CNOT1: variants seen among roughly 807,000 people sequenced by gnomAD.
CNOT1 encodes CCR4-associated factor 1.
In CNOT1, 15 loss-of-function variants were observed where a neutral mutation model predicts 273.8. The ratio of observed to expected loss-of-function variants is 0.05; its 90% CI spans 0.04 to 0.08. The LOEUF (loss-of-function observed/expected upper bound fraction) is 0.08. CNOT1 is among the 10% of genes least tolerant of loss of function. CNOT1 has a pLI of 1.00. For synonymous variants in CNOT1, 1,022 were observed against 1,005.5 expected (o/e 1.02, Z -0.31); for missense variants, 1,644 against 2,912.2 (o/e 0.56, Z 10.02).
chr16:58,625,091 A>T lies in CNOT1; in HGVS notation c.-175+4637T>A, dbSNP rs576182670. ...AGTGAAACCTCACCTCTACCAAAAAAATACAAAAATTAGGCCAGGCGCAGT... is the reference window on the plus strand; with the variant it reads ...AGTGAAACCTCACCTCTACCAAAAATATACAAAAATTAGGCCAGGCGCAGT... On this transcript the variant is annotated intron_variant, in intron 1 of 48. Coordinates refer to ENST00000317147, the MANE Select transcript of CNOT1 (RefSeq NM_016284.5). Among the ~76,000 whole-genome samples the T allele has an allele frequency of 1.3e-5, 2 of 152,062 alleles. 1 individual carries two copies. Among genetic ancestry groups the T allele is most frequent in the Admixed American group, 1.3e-4 (2 of 15,240 alleles).
chr16:58,535,756 C>T lies in CNOT1; in HGVS notation c.5646+1233G>A, dbSNP rs529856243. Among the ~76,000 whole-genome samples the T allele has an allele frequency of 4.6e-5, 7 of 150,558 alleles. No homozygotes were observed. The South Asian group carries it at 1.0e-3, about 23-fold the overall frequency. On this transcript the variant is annotated intron_variant, in intron 39 of 48. Coordinates refer to ENST00000317147, the MANE Select transcript of CNOT1 (RefSeq NM_016284.5). ...TTTTTTTTTTTAATTTTTTTTGAGA[C>T]GGAGCCTCGCTCTGTCGCCCAGGCT...
chr16:58,547,751 A>G lies in CNOT1; in HGVS notation c.3523-69T>C. On this transcript the variant is annotated intron_variant, in intron 25 of 48. Transcript: ENST00000317147. This position sits in a 1 kb window ranked among gnomAD's most constrained non-coding sequence, Gnocchi z 4.0. ...GAAAGAAAACTCAACTAAGTATTTG[A>G]GAATTCCATTATCCTATCCTAAAGA... 1 of 1,459,254 alleles carries G rather than the reference A, an allele frequency of 6.9e-7. No homozygotes were observed. The highest frequency in any genetic ancestry group is 1.3e-5 in the South Asian group (1 of 77,936). 90.4% of individuals were successfully genotyped at this position (1,459,254 alleles called of 1,614,324 possible). A position where few individuals can be genotyped will look rare whatever the true frequency, so the allele number is the denominator to read the frequency against.
intron 1 of CNOT1, among the ~76,000 whole-genome samples, chr16:58,601,228 T>C (rs1310554313): frequency 6.6e-6 from 1 of 152,176 alleles, no homozygotes; most frequent in African/African-American, 2.4e-5. Context: ...AATGCTGGGA[T>C]TACAAGCATG....
rs145579063 is a variant in CNOT1, at chr16:58,625,555, G to T, written c.-175+4173C>A. On this transcript the variant is annotated intron_variant, in intron 1 of 48. Coordinates refer to ENST00000317147, the MANE Select transcript of CNOT1 (RefSeq NM_016284.5). ...TAAAATTAGCCAGGCATGATGGCGC[G>T]CACCTGTAATCCCAGCTACTTGGGA... Among the ~76,000 whole-genome samples, 53 of 151,242 alleles carry T rather than the reference G, an allele frequency of 3.5e-4. 1 individual carries two copies. Among genetic ancestry groups the T allele is most frequent in the Admixed American group, 5.9e-4 (9 of 15,144 alleles).
chr16:58,588,778 A>G, intron 3 of CNOT1, 21 bp downstream of exon 3: 2 of 1,610,528 alleles, frequency 1.2e-6, no homozygotes, highest in Non-Finnish European at 1.7e-6. Flanking sequence ...AGTGGACATG[A>G]ACTCTGTAAG....
intron 44 of CNOT1, chr16:58,528,040 G>A (rs193043590): frequency 2.5e-5 from 10 of 407,852 alleles, no homozygotes; most frequent in African/African-American, 1.2e-4. Context: ...TTGAACCAGC[G>A]AAGGGGAGGT....
intron 16 of CNOT1, among the ~76,000 whole-genome samples, chr16:58,563,907 G>A (rs1458528103): frequency 1.3e-5 from 2 of 152,176 alleles, no homozygotes; most frequent in Non-Finnish European, 2.9e-5. Flanking sequence ...AATGATGGAT[G>A]CAAAACACTG....
chr16:58,579,034 C>A, intron 12 of CNOT1, 95 bp from the exon 13 acceptor site: 1 of 1,502,106 alleles, frequency 6.7e-7, no homozygotes, highest in Admixed American at 2.1e-5. Context: ...AGCACAAAAC[C>A]AAGTTGGTGT....
At chr16:58,609,943 C>T (rs546953408) in intron 1 of CNOT1, among the ~76,000 whole-genome samples, 2 of 151,864 alleles carry the variant, frequency 1.3e-5, no homozygotes, top group Middle Eastern at 7.0e-3. Context: ...GTTGGCATTC[C>T]TATCAACTCA....
intron 14 of CNOT1, 31 bp from the exon 15 acceptor site, chr16:58,575,160 A>G (rs2151965737): frequency 6.2e-7 from 1 of 1,600,624 alleles, no homozygotes; most frequent in Non-Finnish European, 8.5e-7. Context: ...GATAATGCAA[A>G]TGGAGCAATT....
intron 22 of CNOT1, among the ~76,000 whole-genome samples, chr16:58,553,155 G>A (rs900339097): frequency 6.6e-6 from 1 of 151,660 alleles, no homozygotes; most frequent in Non-Finnish European, 1.5e-5. Flanking sequence ...GCCTGTAATC[G>A]CAGCTACTCA....
intron 16 of CNOT1, among the ~76,000 whole-genome samples, chr16:58,563,119 A>G (rs1421023073): frequency 1.3e-5 from 2 of 152,236 alleles, no homozygotes; most frequent in Non-Finnish European, 2.9e-5. Flanking sequence ...ATGTCCACTG[A>G]AGCCAGGAAG....
At chr16:58,618,151 G>A (rs935201851) in intron 1 of CNOT1, among the ~76,000 whole-genome samples, 1 of 152,112 alleles carries the variant, frequency 6.6e-6, no homozygotes, top group African/African-American at 2.4e-5. Context: ...TAACTATTTT[G>A]TGGTGGATTG....
chr16:58,521,187 C>T lies in CNOT1; in HGVS notation c.7048G>A (p.Glu2350Lys), dbSNP rs2039356515. Residue 2350 changes from glutamate to lysine, a missense_variant, in exon 48 of 49, where the codon GAA becomes AAA. By Grantham distance (56) the Glu-to-Lys change is moderately conservative (BLOSUM62 1). Transcript: ENST00000317147. ...HEFVHCAPEI[E>K]KLFQSVAQCC... ...TAAAAATTACTTTGAACTCACTTTT[C>T]GATTTCTGGGGCACAGTGTACAAAT... is the stretch of plus-strand genomic sequence containing the variant. 1.2e-6 allele frequency: 2 copies of T among 1,613,144 alleles called. No individual in the cohort carries two copies. The highest frequency in any genetic ancestry group is 2.2e-5 in the East Asian group (1 of 44,894).
chr16:58,624,004 C>A (rs1295970523), intron 1 of CNOT1, among the ~76,000 whole-genome samples: 4 of 151,160 alleles, frequency 2.6e-5, no homozygotes, highest in African/African-American at 7.3e-5. Context: ...AAAAAAAAAA[C>A]CCTAAGTATT....
chr16:58,613,046 G>A lies in CNOT1; in HGVS notation c.-174-13535C>T, dbSNP rs549951907. Among the ~76,000 whole-genome samples the A allele has an allele frequency of 3.3e-5, 5 of 152,020 alleles. No homozygotes were observed. The South Asian group carries it at 8.3e-4, about 25-fold the overall frequency. On this transcript the variant is annotated intron_variant, in intron 1 of 48. Transcript: ENST00000317147. ...AGATACTGAGCAGTAGAGGTTTTTT[G>A]TTTGTTTTTCAGACTCGCTCTGTCA...
chr16:58,587,398 G>A lies in CNOT1; in HGVS notation c.325C>T (p.Pro109Ser), dbSNP rs1567426830. The A allele has an allele frequency of 6.2e-7, 1 of 1,613,626 alleles. No homozygotes were observed. The highest frequency in any genetic ancestry group is 8.5e-7 in the Non-Finnish European group (1 of 1,179,996). Residue 109 changes from proline (P) to serine (S), a missense_variant, in exon 5 of 49, where the codon CCC (proline) becomes TCC (serine). Pro to Ser is a moderately conservative substitution (Grantham distance 74). Around this residue, in one of 13 missense-constraint regions of CNOT1, gnomAD observed 706 missense variants for 1,021.2 expected, o/e 0.69. Transcript: ENST00000317147. The part of the protein sequence containing the change: ...LHYQKSLKPA[P>S]HLFAQLSKVL... ...TTACTCAGCTGGGCAAATAAGTGGG[G>A]TGCAGGCTTTAAACTCTGAAACAAA...
chr16:58,560,434 T>G, intron 16 of CNOT1, 72 bp from the exon 17 acceptor site: 1 of 1,448,660 alleles, frequency 6.9e-7, no homozygotes, highest in Non-Finnish European at 9.0e-7. Flanking sequence ...CCAACCGATC[T>G]GATTTTTTTT....
chr16:58,532,453 G>C (rs746441273), intron 40 of CNOT1, 58 bp from the exon 41 acceptor site: 3 of 1,573,632 alleles, frequency 1.9e-6, no homozygotes, highest in South Asian at 1.2e-5. Context: ...TCACCACTTC[G>C]ATGTCATGCT....
Sources: gnomAD v4.1 joint callset for allele counts (sites outside exome capture counted in the v4.1 genomes callset) on GRCh38, gnomAD v4.1.1 for gene constraint, gnomAD v4.1.1 regional missense constraint, Gnocchi (gnomAD v3.1) non-coding constraint, MANE v1.5 for transcripts, NCBI Gene and HGNC (gene_info 2026-07-23, HGNC 2026-07-21) for gene names.